The following DHDDS variants were observed in gnomAD, a reference collection of about 807,000 sequenced individuals.
DHDDS encodes the protein dehydrodolichyl diphosphate synthase complex subunit DHDDS.
DHDDS carries 16 observed loss-of-function variants against 46.2 expected under a neutral mutation model. The ratio of observed to expected loss-of-function variants is 0.35; its 90% CI spans 0.23 to 0.53. DHDDS has a LOEUF of 0.53. Ranked by LOEUF, DHDDS falls within the 20% of genes least tolerant of loss-of-function variation. DHDDS has a pLI of 0.94. For synonymous variants in DHDDS, 151 were observed against 163.1 expected (o/e 0.93, Z 0.56); for missense variants, 340 against 423.7 (o/e 0.80, Z 1.73).
chr1:26,460,604 T>C (rs2075412658), intron 8 of DHDDS, among the ~76,000 whole-genome samples: 1 of 152,262 alleles, frequency 6.6e-6, no homozygotes, highest in Non-Finnish European at 1.5e-5. Context: ...ACCTATGTTG[T>C]GTCAAGACTT....
Position 26,460,124 on chromosome 1 carries a change from A to G in DHDDS, c.745A>G (p.Met249Val). The G allele has an allele frequency of 6.2e-7, 1 of 1,614,098 alleles. No individual in the cohort carries two copies. Among genetic ancestry groups the G allele is most frequent in the Non-Finnish European group, 8.5e-7 (1 of 1,179,966 alleles). ...NLFEAILQFQ[M>V]NHSVLQKARD... ...CTTCGAGGCCATCCTGCAGTTCCAG[A>G]TGAACCATAGCGTGCTTCAGGTAAG... Residue 249 changes from methionine to valine, a missense_variant, in exon 8 of 9, where the codon ATG becomes GTG. Coordinates refer to ENST00000236342, the MANE Select transcript of DHDDS (RefSeq NM_205861.3).
At chr1:26,461,674 C>G (rs1201753924) in intron 8 of DHDDS, among the ~76,000 whole-genome samples, 2 of 152,242 alleles carry the variant, frequency 1.3e-5, no homozygotes, top group African/African-American at 4.8e-5. Flanking sequence ...CATGAGCCAC[C>G]AAGCCCGGCC....
chr1:26,467,664 A>T lies in DHDDS; in HGVS notation c.766-1231A>T, dbSNP rs2075505968. The T allele has an allele frequency of 2.2e-5, 5 of 227,266 alleles. No individual in the cohort carries two copies. In the South Asian group the frequency reaches 2.9e-4, roughly 13 times the overall value. The allele number at this position is 227,266 out of a possible 1,614,324, so 14.1% of individuals were successfully genotyped here. On this transcript the variant is annotated intron_variant, in intron 8 of 8. Transcript: ENST00000236342. The stretch of plus-strand genomic sequence containing the variant: ...TTAAACCATGAAGACAGAGCAGTCA[A>T]GGTGCTTACAGGCTGATTAGGACAA...
At chr1:26,437,828 G>T (rs952920888) in intron 2 of DHDDS, among the ~76,000 whole-genome samples, 1 of 151,858 alleles carries the variant, frequency 6.6e-6, no homozygotes, top group African/African-American at 2.4e-5. Flanking sequence ...AAGAAAAAAG[G>T]ATAGGTAGGT....
chr1:26,445,750 G>A (rs573529068), intron 4 of DHDDS, among the ~76,000 whole-genome samples: 24 of 151,848 alleles, frequency 1.6e-4, no homozygotes, highest in Middle Eastern at 3.4e-3. Flanking sequence ...GGGGCTGAGC[G>A]CAGTGGCTCA....
intron 6 of DHDDS, chr1:26,448,193 C>CT (rs11300095): frequency 0.094 from 11,424 of 121,362 alleles, 600 homozygotes; most frequent in Admixed American, 0.11. Flanking sequence ...TTTTTCTTTT[C>CT]TTTTTTTTTT....
intron 8 of DHDDS, among the ~76,000 whole-genome samples, chr1:26,467,703 A>G (rs2075506473): frequency 6.6e-6 from 1 of 152,198 alleles, no homozygotes; most frequent in Non-Finnish European, 1.5e-5. Context: ...CATGTATACA[A>G]GTTTATCGTA....
rs2075282065 is a variant in DHDDS at position 26,447,631 on chromosome 1, G to T, written c.513G>T (p.Trp171Cys). Residue 171 changes from tryptophan to cysteine, a missense_variant, in exon 6 of 9, where the codon TGG (tryptophan) becomes TGT (cysteine). Transcript: ENST00000236342. ...GCAATGCTGTGAGAGAGATGGCCTG[G>T]GGGGTGGAGCAAGGCCTGTTGGATC... ...EISNAVREMA[W>C]GVEQGLLDPS... 3 of 1,614,046 alleles carry T rather than the reference G, an allele frequency of 1.9e-6. No homozygotes were observed. Among genetic ancestry groups the T allele is most frequent in the Non-Finnish European group, 1.7e-6 (2 of 1,180,030 alleles).
At chr1:26,451,241 C>T (rs752009884) in intron 6 of DHDDS, among the ~76,000 whole-genome samples, 4 of 152,058 alleles carry the variant, frequency 2.6e-5, no homozygotes, top group Non-Finnish European at 5.9e-5. Flanking sequence ...GGGCCTGAGG[C>T]GTTACACTTT....
At chr1:26,447,945 A>C in intron 6 of DHDDS, 1 of 589,558 alleles carries the variant, frequency 1.7e-6, no homozygotes, top group South Asian at 2.1e-5. Context: ...GATCTCCCAA[A>C]TTTAGAGATT....
chr1:26,445,068 G>T (rs556710798), intron 4 of DHDDS, among the ~76,000 whole-genome samples: 28 of 90,430 alleles, frequency 3.1e-4, no homozygotes, highest in African/African-American at 6.6e-4. Flanking sequence ...CTCCCTACGT[G>T]CAAATCCTGG....
In DHDDS at chr1:26,438,190, T is replaced by C. The variant is rs2124374344; in HGVS notation, c.86T>C (p.Ile29Thr). The C allele has an allele frequency of 6.2e-7, 1 of 1,613,916 alleles. No homozygotes were observed. Residue 29 changes from isoleucine (I) to threonine (T), a missense_variant, in exon 3 of 9, where the codon ATT becomes ACT. Ile to Thr is a moderately conservative substitution (Grantham distance 89, BLOSUM62 -1). Coordinates refer to ENST00000236342, the MANE Select transcript of DHDDS (RefSeq NM_205861.3). Reference sequence around the variant, plus strand: ...CAGGCAGGCCCAATGCCGAAACACATTGCATTCATAATGGACGGGAACCGT... The same window carrying C: ...CAGGCAGGCCCAATGCCGAAACACACTGCATTCATAATGGACGGGAACCGT... ...IIKAGPMPKHIAFIMDGNRRY... is the reference protein window; with the variant it reads ...IIKAGPMPKHTAFIMDGNRRY...
intron 3 of DHDDS, among the ~76,000 whole-genome samples, chr1:26,439,945 C>T (rs2075201657): frequency 2.0e-5 from 3 of 147,342 alleles, no homozygotes; most frequent in Admixed American, 6.6e-5. Flanking sequence ...TCAAGACCAT[C>T]GTGGCTAACA....
At chr1:26,467,256 C>A (rs753068939) in intron 8 of DHDDS, 4 of 459,960 alleles carry the variant, frequency 8.7e-6, no homozygotes, top group Middle Eastern at 3.4e-4. Context: ...TCGTGTCCTG[C>A]GCATCTCCAT....
chr1:26,460,177 T>C (rs773669283), intron 8 of DHDDS, 33 bp downstream of exon 8: 1 of 1,524,254 alleles, frequency 6.6e-7, no homozygotes. Flanking sequence ...CCAGATGGGA[T>C]GGGATGGAAG....
At chr1:26,439,521 G>A (rs189067474) in intron 3 of DHDDS, among the ~76,000 whole-genome samples, 1 of 152,174 alleles carries the variant, frequency 6.6e-6, no homozygotes, top group African/African-American at 2.4e-5. Context: ...GGTTGAGGCT[G>A]CAGTGAGCTG....
intron 2 of DHDDS, among the ~76,000 whole-genome samples, chr1:26,437,791 AAAAAG>A (rs1221903741): frequency 1.8e-4 from 27 of 151,528 alleles, no homozygotes; most frequent in African/African-American, 3.1e-4. Context: ...CATCTCTTAA[AAAAAG>A]AAAAAAAAAA....
At position 26,447,539 on chromosome 1, in the gene DHDDS, T is replaced by G. The variant is rs750044465; in HGVS notation, c.441-20T>G. On this transcript the variant is annotated intron_variant, in intron 5 of 8. Coordinates refer to ENST00000236342, the MANE Select transcript of DHDDS (RefSeq NM_205861.3). ...GTCCCTGTCCCCCTTTGGTAAATTA[T>G]TCTCTTCTTCCCTCCTCAGGTGTTT... 10 of 1,598,174 alleles carry G rather than the reference T, an allele frequency of 6.3e-6. No individual in the cohort carries two copies. Among genetic ancestry groups the G allele is most frequent in the Admixed American group, 5.0e-5 (3 of 59,972 alleles).
chr1:26,446,310 G>C lies in DHDDS; in HGVS notation c.324-6G>C. On this transcript the variant is annotated splice_polypyrimidine_tract_variant and splice_region_variant and intron_variant, in intron 4 of 8. Coordinates refer to ENST00000236342, the MANE Select transcript of DHDDS (RefSeq NM_205861.3). ...TATCCCAATGCTGCCTCTTTTCCCTGATCAGGGAGAAACTGCAGAAGCATG... is the reference window on the plus strand; with the variant it reads ...TATCCCAATGCTGCCTCTTTTCCCTCATCAGGGAGAAACTGCAGAAGCATG... 3.1e-6 allele frequency: 5 copies of C among 1,613,586 alleles called. No individual in the cohort carries two copies. The highest frequency in any genetic ancestry group is 2.2e-5 in the East Asian group (1 of 44,862).
Sources: allele counts gnomAD v4.1 joint callset (sites outside exome capture counted in the v4.1 genomes callset), GRCh38; gene constraint gnomAD v4.1.1; transcripts MANE v1.5; gene names NCBI Gene and HGNC (gene_info 2026-07-23, HGNC 2026-07-21).